The following ANKRD31 variants were observed in gnomAD, a reference collection of about 807,000 sequenced individuals.
ANKRD31 encodes ankyrin repeat domain-containing protein 31.
In ANKRD31, 147 loss-of-function variants were observed where a neutral mutation model predicts 186.0. The observed-to-expected ratio is 0.79, with a 90% confidence interval of 0.69 to 0.91. The LOEUF (loss-of-function observed/expected upper bound fraction) is 0.91, where lower values mean the gene tolerates loss of function less well. ANKRD31 is among the 40% of genes least tolerant of loss of function. The pLI is 0.00. For missense variants in ANKRD31, 1,986 were observed against 2,148.8 expected (o/e 0.92, Z 1.50); for synonymous variants, 673 against 736.4 (o/e 0.91, Z 1.39).
chr5:75,103,159 C>T (rs1486811136), intron 22 of ANKRD31, among the ~76,000 whole-genome samples: 1 of 152,136 alleles, frequency 6.6e-6, no homozygotes, highest in African/African-American at 2.4e-5. Context: ...TCTCTCAGCA[C>T]CATTTATTAA....
At chr5:75,077,783 G>C (rs1172787848) in intron 25 of ANKRD31, among the ~76,000 whole-genome samples, 1 of 151,980 alleles carries the variant, frequency 6.6e-6, no homozygotes, top group African/African-American at 2.4e-5. Context: ...AAATTAGCTG[G>C]GCGTGGTGGC....
rs1289308140 is a variant in ANKRD31 at position 75,138,889 on chromosome 5, G to A, written c.3690C>T (p.Ala1230=). The A allele has an allele frequency of 9.8e-6, 15 of 1,536,604 alleles. No individual in the cohort carries two copies. In the Admixed American group the frequency reaches 2.4e-4, roughly 24 times the overall value. The change falls in exon 16 of 26, where the codon GCC becomes GCT. Residue 1230 remains alanine (A), a synonymous_variant. Coordinates refer to ENST00000506364, the MANE Select transcript of ANKRD31 (RefSeq NM_001372053.1). The stretch of plus-strand genomic sequence containing the variant: ...TCACATCTGCTCCAGATTCTATCAG[G>A]GCTTTCACTAGGGGCAGATTTCCTC... ...VRRGNLPLVK[A]LIESGADVNL...
At chr5:75,106,677 A>G (rs74797276) in intron 21 of ANKRD31, among the ~76,000 whole-genome samples, 602 of 152,074 alleles carry the variant, frequency 4.0e-3, no homozygotes, top group Non-Finnish European at 6.6e-3. Flanking sequence ...CAGGACACTA[A>G]AGGAAATTCA....
In ANKRD31 at chr5:75,146,995, T is replaced by A; in HGVS notation, c.2416A>T (p.Lys806Ter). The stretch of plus-strand genomic sequence containing the variant: ...TCCAGGTTCTGGATGTGTTTCTCTT[T>A]GGAAACTGAACAAGCCTCAGTACTG... Reference protein sequence around the residue: ...DSSTEACSVSKEKHIQNLDLS... With the variant: ...DSSTEACSVS The change falls in exon 14 of 26, where the codon AAA (lysine) becomes TAA (stop). Residue 806 changes from lysine to a stop codon, truncating the protein, a stop_gained. Transcript: ENST00000506364. LOFTEE classifies it high-confidence loss of function. The A allele has an allele frequency of 6.5e-7, 1 of 1,536,404 alleles. No individual in the cohort carries two copies. The highest frequency in any genetic ancestry group is 8.7e-7 in the Non-Finnish European group (1 of 1,146,318).
Position 75,146,025 on chromosome 5 carries a change from A to C in ANKRD31, c.3386T>G (p.Leu1129Arg), listed in dbSNP as rs976034642. ...MSKELANISK[L>R]SQREKKEISH... The stretch of plus-strand genomic sequence containing the variant: ...AATTTCCTTCTTTTCTCTTTGACTA[A>C]GTTTTGAGATGTTGGCCAATTCTTT... The change falls in exon 14 of 26, where the codon CTT becomes CGT. Residue 1129 changes from leucine to arginine, a missense_variant. Physicochemically the swap from Leu to Arg is moderately radical, Grantham distance 102. Coordinates refer to ENST00000506364, the MANE Select transcript of ANKRD31 (RefSeq NM_001372053.1). The C allele has an allele frequency of 1.3e-6, 2 of 1,498,328 alleles. No individual in the cohort carries two copies. Among genetic ancestry groups the C allele is most frequent in the Admixed American group, 2.4e-5 (1 of 41,440 alleles). The allele number at this position is 1,498,328 out of a possible 1,614,324, so 92.8% of individuals were successfully genotyped here. A position where few individuals can be genotyped will look rare whatever the true frequency, so the allele number is the denominator to read the frequency against.
intron 2 of ANKRD31, among the ~76,000 whole-genome samples, chr5:75,229,869 A>C (rs74629931): frequency 2.8e-5 from 3 of 105,974 alleles, no homozygotes; most frequent in African/African-American, 2.0e-4. Flanking sequence ...TGTCTCAAAA[A>C]AAAAAAAAAA....
intron 22 of ANKRD31, among the ~76,000 whole-genome samples, chr5:75,093,750 T>G (rs1302604903): frequency 2.0e-5 from 3 of 152,134 alleles, no homozygotes; most frequent in Non-Finnish European, 4.4e-5. Context: ...ATATTCAAAG[T>G]GTACAAAGAA....
intron 20 of ANKRD31, among the ~76,000 whole-genome samples, chr5:75,108,971 A>T (rs1747552513): frequency 6.6e-6 from 1 of 152,220 alleles, no homozygotes. Context: ...CAACAGAAAT[A>T]AATTTTATAT....
chr5:75,141,482 T>C (rs1366448729), intron 15 of ANKRD31, among the ~76,000 whole-genome samples: 2 of 151,940 alleles, frequency 1.3e-5, no homozygotes. Flanking sequence ...CTTGTAATCC[T>C]TGCACTTTGG....
intron 9 of ANKRD31, among the ~76,000 whole-genome samples, chr5:75,191,480 GT>G (rs1299279684): frequency 1.3e-5 from 2 of 151,918 alleles, no homozygotes; most frequent in East Asian, 3.8e-4. Context: ...TTCTTGGCTA[GT>G]CTCTCATATT....
At chr5:75,162,645 C>A (rs1752648213) in intron 11 of ANKRD31, among the ~76,000 whole-genome samples, 1 of 152,054 alleles carries the variant, frequency 6.6e-6, no homozygotes, top group Admixed American at 6.6e-5. Context: ...GCTCCATGTC[C>A]CCAGCCAAAT....
At chr5:75,154,160 C>A in intron 12 of ANKRD31, 41 bp downstream of exon 12, 2 of 1,365,152 alleles carry the variant, frequency 1.5e-6, no homozygotes, top group Middle Eastern at 3.8e-4. Context: ...TGTAACTTCA[C>A]TGATGTGACA....
At chr5:75,180,943 G>A (rs1207895229) in intron 10 of ANKRD31, among the ~76,000 whole-genome samples, 6 of 151,648 alleles carry the variant, frequency 4.0e-5, no homozygotes, top group African/African-American at 1.5e-4. Context: ...GAGTGAACAG[G>A]CAACCTACAA....
rs774117024 is a variant in ANKRD31 at position 75,206,461 on chromosome 5, A to G, written c.353T>C (p.Ile118Thr). ...AAGTCCAGACTGGCGAAACGACCCA[A>G]TGAACATTGAACAGTTTTTTCTAGT... ...LQTRKNCSMF[I>T]GSFRQSGLSL... The change falls in exon 5 of 26, where the codon ATT (isoleucine) becomes ACT (threonine). Residue 118 changes from isoleucine (I) to threonine (T), a missense_variant. Transcript: ENST00000506364. 20 of 1,466,886 alleles carry G rather than the reference A, an allele frequency of 1.4e-5. No homozygotes were observed. The highest frequency in any genetic ancestry group is 1.6e-5 in the Non-Finnish European group (18 of 1,115,188). 90.9% of individuals were successfully genotyped at this position (1,466,886 alleles called of 1,614,324 possible).
intron 25 of ANKRD31, among the ~76,000 whole-genome samples, chr5:75,075,484 TGA>T (rs1240185950): frequency 6.6e-6 from 1 of 152,250 alleles, no homozygotes; most frequent in Non-Finnish European, 1.5e-5. Flanking sequence ...GTTAGGAAAC[TGA>T]GACTTAAATT....
chr5:75,136,812 C>T (rs1342677578), intron 17 of ANKRD31, among the ~76,000 whole-genome samples: 2 of 152,296 alleles, frequency 1.3e-5, no homozygotes, highest in East Asian at 1.9e-4. Flanking sequence ...GGCACATATA[C>T]ACCATGGAAT....
chr5:75,146,965 A>G lies in ANKRD31; in HGVS notation c.2446T>C (p.Ser816Pro), dbSNP rs992192322. 1.3e-6 allele frequency: 2 copies of G among 1,536,270 alleles called. No homozygotes were observed. Among genetic ancestry groups the G allele is most frequent in the Non-Finnish European group, 1.7e-6 (2 of 1,146,338 alleles). Residue 816 changes from serine to proline, a missense_variant, in exon 14 of 26, where the codon TCA becomes CCA. Coordinates refer to ENST00000506364, the MANE Select transcript of ANKRD31 (RefSeq NM_001372053.1). ...KEKHIQNLDLSDSQEVQCLEL... is the reference protein window; with the variant it reads ...KEKHIQNLDLPDSQEVQCLEL... The stretch of plus-strand genomic sequence containing the variant: ...AAGCATTGAACTTCTTGACTATCTG[A>G]TAAATCCAGGTTCTGGATGTGTTTC...
At chr5:75,133,264 C>T (rs924393276) in intron 17 of ANKRD31, among the ~76,000 whole-genome samples, 2 of 151,932 alleles carry the variant, frequency 1.3e-5, no homozygotes, top group African/African-American at 4.8e-5. Context: ...TTCAAGAGAC[C>T]CATCTCACGT....
intron 23 of ANKRD31, among the ~76,000 whole-genome samples, chr5:75,086,348 G>A (rs1471927912): frequency 2.0e-5 from 3 of 152,090 alleles, no homozygotes; most frequent in Non-Finnish European, 4.4e-5. Flanking sequence ...AGAATGAACA[G>A]ACACTAGATC....
Sources: gnomAD v4.1 joint callset for allele counts (sites outside exome capture counted in the v4.1 genomes callset) on GRCh38, gnomAD v4.1.1 for gene constraint, MANE v1.5 for transcripts, NCBI Gene and HGNC (gene_info 2026-07-23, HGNC 2026-07-21) for gene names.